GNG2: variants seen among roughly 807,000 people sequenced by gnomAD.
GNG2 encodes the protein G protein subunit gamma 2.
In GNG2, 5 loss-of-function variants were observed where a neutral mutation model predicts 5.5. That is an observed-to-expected ratio of 0.91 (90% CI 0.48 to 1.92). The LOEUF is 1.92. Among genes scored for constraint, GNG2 ranks in the 30% most tolerant of loss-of-function variants. The pLI is 0.01. For missense variants in GNG2, 55 were observed against 88.4 expected, an observed-to-expected ratio of 0.62 and a Z score of 1.52; for synonymous variants, 28 against 32.0, an observed-to-expected ratio of 0.88 and a Z score of 0.42.
At chr14:51,887,112 G>A (rs529777317) in intron 2 of GNG2, among the ~76,000 whole-genome samples, 5 of 152,318 alleles carry the variant, frequency 3.3e-5, no homozygotes, top group African/African-American at 1.2e-4. Flanking sequence ...GAGTTCAGTT[G>A]TTTGTGTGGT....
At chr14:51,929,088 G>T (rs1887509277) in intron 2 of GNG2, among the ~76,000 whole-genome samples, 1 of 152,120 alleles carries the variant, frequency 6.6e-6, no homozygotes, top group Non-Finnish European at 1.5e-5. Flanking sequence ...CTGATCTTTG[G>T]GTTTGTAGGA....
At chr14:51,947,801 C>G (rs138687020) in intron 2 of GNG2, among the ~76,000 whole-genome samples, 160 of 152,368 alleles carry the variant, frequency 1.1e-3, no homozygotes, top group African/African-American at 3.7e-3. Flanking sequence ...CATTGAGACA[C>G]AGACTTTCCT....
chr14:51,849,878 C>T (rs187838418), intron 2 of GNG2, among the ~76,000 whole-genome samples: 1 of 148,846 alleles, frequency 6.7e-6, no homozygotes, highest in East Asian at 2.0e-4. Context: ...ATGATTGTTG[C>T]AGCTCATTGC....
At chr14:51,907,142 G>C (rs1351377723) in intron 2 of GNG2, among the ~76,000 whole-genome samples, 1 of 152,134 alleles carries the variant, frequency 6.6e-6, no homozygotes, top group African/African-American at 2.4e-5. Context: ...TTTTATTCAG[G>C]CTGACAGCCA....
chr14:51,860,275 C>T (rs1479551046), upstream of GNG2: 1 of 152,056 alleles, frequency 6.6e-6, no homozygotes, highest in Admixed American at 6.6e-5. Flanking sequence ...ACAATAGCAA[C>T]AAGCCAGGTT....
intron 3 of GNG2, among the ~76,000 whole-genome samples, chr14:51,961,708 T>C (rs1253651): frequency 0.93 from 141,601 of 152,206 alleles, 66,336 homozygotes; most frequent in Non-Finnish European, 0.99. Flanking sequence ...TGAAGGAAGA[T>C]GATAAGCCAA....
intron 3 of GNG2, among the ~76,000 whole-genome samples, chr14:51,952,683 G>A (rs1398181626): frequency 6.6e-6 from 1 of 152,170 alleles, no homozygotes; most frequent in African/African-American, 2.4e-5. Context: ...AAAACTGACA[G>A]CAGAAGAAAG....
chr14:51,849,171 C>T (rs996476475), intron 2 of GNG2, among the ~76,000 whole-genome samples: 2 of 152,160 alleles, frequency 1.3e-5, no homozygotes, highest in African/African-American at 4.8e-5. Flanking sequence ...GGCTCGCTTA[C>T]ATGGCTGGCA....
At chr14:51,867,423 T>A (rs556895441) in intron 1 of GNG2, among the ~76,000 whole-genome samples, 2 of 152,318 alleles carry the variant, frequency 1.3e-5, no homozygotes, top group East Asian at 3.9e-4. Flanking sequence ...AACCAGCTCC[T>A]CACCTGATTT....
chr14:51,860,189 G>T (rs1335200652), upstream of GNG2, among the ~76,000 whole-genome samples: 2 of 146,746 alleles, frequency 1.4e-5, no homozygotes, highest in Non-Finnish European at 3.0e-5. Flanking sequence ...TGGGATCTCG[G>T]GGGCCAGAAC....
chr14:51,968,628 A>G lies in GNG2; in HGVS notation c.*1941A>G, dbSNP rs1479179160. 6.6e-6 allele frequency: 1 copy of G among 152,198 alleles called. No individual in the cohort carries two copies. The highest frequency in any genetic ancestry group is 2.4e-5 in the African/African-American group (1 of 41,454). 9.4% of individuals were successfully genotyped at this position (152,198 alleles called of 1,614,324 possible). A position where few individuals can be genotyped will look rare whatever the true frequency, so the allele number is the denominator to read the frequency against. ...TTTTGTTACAGTTAGGACGCCCATG[A>G]AGATTTAGGGGTGAAAAAAACAGCA... On this transcript the variant is annotated 3_prime_UTR_variant, in exon 4 of 4. Transcript: ENST00000556766.
At chr14:51,953,982 A>T (rs1199759452) in intron 3 of GNG2, among the ~76,000 whole-genome samples, 1 of 152,126 alleles carries the variant, frequency 6.6e-6, no homozygotes, top group Non-Finnish European at 1.5e-5. Flanking sequence ...AGGACTCTTA[A>T]GAGGAGGATT....
intron 2 of GNG2, among the ~76,000 whole-genome samples, chr14:51,830,509 A>T (rs1881151647): frequency 6.6e-6 from 1 of 152,164 alleles, no homozygotes; most frequent in African/African-American, 2.4e-5. Context: ...TCTTACCTTC[A>T]ATCTGCTTCT....
chr14:51,855,956 T>C (rs902246062), upstream of GNG2, among the ~76,000 whole-genome samples: 14 of 152,154 alleles, frequency 9.2e-5, no homozygotes, highest in Admixed American at 5.9e-4. Context: ...GTGGATCACC[T>C]GAGGTCAGAA....
chr14:51,827,169 A>T (rs1009932815), intron 1 of GNG2, among the ~76,000 whole-genome samples: 31 of 152,240 alleles, frequency 2.0e-4, no homozygotes, highest in African/African-American at 7.5e-4. Flanking sequence ...CAGGTGAATT[A>T]AATCACAATC....
intron 2 of GNG2, 136 bp from the exon 3 acceptor site, chr14:51,950,514 G>C (rs564697396): frequency 1.2e-5 from 7 of 581,276 alleles, no homozygotes; most frequent in Non-Finnish European, 2.1e-5. Context: ...AGGTAATACC[G>C]ACCAAGGATG....
chr14:51,831,468 C>A (rs1269732514), intron 2 of GNG2, among the ~76,000 whole-genome samples: 2 of 152,164 alleles, frequency 1.3e-5, no homozygotes, highest in African/African-American at 4.8e-5. Flanking sequence ...ATGAAAAGGA[C>A]AGCAAGGGGG....
intron 2 of GNG2, among the ~76,000 whole-genome samples, chr14:51,828,221 G>T (rs1236252327): frequency 6.6e-6 from 1 of 152,212 alleles, no homozygotes; most frequent in Non-Finnish European, 1.5e-5. Flanking sequence ...GAAGCTGCAG[G>T]GACTGGGGAA....
intron 2 of GNG2, among the ~76,000 whole-genome samples, chr14:51,842,592 A>G (rs1279911089): frequency 1.3e-5 from 2 of 152,096 alleles, no homozygotes; most frequent in East Asian, 3.8e-4. Flanking sequence ...TTATTTAACA[A>G]GATGGTTGGT....
Sources: allele counts gnomAD v4.1 joint callset (sites outside exome capture counted in the v4.1 genomes callset), GRCh38; gene constraint gnomAD v4.1.1; transcripts MANE v1.5; gene names NCBI Gene and HGNC (gene_info 2026-07-23, HGNC 2026-07-21).